ZCCHC7: variants seen among roughly 807,000 people sequenced by gnomAD.
ZCCHC7 encodes the protein zinc finger CCHC domain-containing protein 7.
A neutral mutation model predicts 52.0 loss-of-function variants in ZCCHC7; 35 were observed. That is an observed-to-expected ratio of 0.67 (90% CI 0.51 to 0.89). The LOEUF is 0.89. Ranked by LOEUF, ZCCHC7 falls within the 40% of genes least tolerant of loss-of-function variation. ZCCHC7 has a pLI of 0.00. For synonymous variants in ZCCHC7, 217 were observed against 221.5 expected, an observed-to-expected ratio of 0.98 and a Z score of 0.18; for missense variants, 574 against 649.1, an observed-to-expected ratio of 0.88 and a Z score of 1.26.
At chr9:37,259,821 C>T (rs551626463) in intron 2 of ZCCHC7, among the ~76,000 whole-genome samples, 1 of 152,248 alleles carries the variant, frequency 6.6e-6, no homozygotes, top group African/African-American at 2.4e-5. Context: ...TCTGTTTGTG[C>T]ATCCTACCTC....
chr9:37,356,768 C>A, intron 8 of ZCCHC7, 67 bp from the exon 9 acceptor site: 2 of 1,416,432 alleles, frequency 1.4e-6, no homozygotes, highest in Non-Finnish European at 1.9e-6. Context: ...AAGTTATTTA[C>A]ACTTAGGAAA....
intron 2 of ZCCHC7, among the ~76,000 whole-genome samples, chr9:37,143,633 G>A (rs1843321362): frequency 6.6e-6 from 1 of 151,542 alleles, no homozygotes; most frequent in South Asian, 2.1e-4. Context: ...TGCCATTACA[G>A]ATTTTCAAAA....
chr9:37,192,504 T>G (rs1823069443), intron 2 of ZCCHC7, among the ~76,000 whole-genome samples: 1 of 152,212 alleles, frequency 6.6e-6, no homozygotes, highest in South Asian at 2.1e-4. Context: ...GTAAACATGA[T>G]TGTAAGACAG....
chr9:37,127,803 C>G (rs1842606760), intron 2 of ZCCHC7, among the ~76,000 whole-genome samples: 1 of 152,158 alleles, frequency 6.6e-6, no homozygotes, highest in Non-Finnish European at 1.5e-5. Context: ...GTAGATTGTG[C>G]TTGGAGCCCC....
intron 5 of ZCCHC7, among the ~76,000 whole-genome samples, chr9:37,316,482 G>T (rs1829828699): frequency 6.7e-6 from 1 of 149,058 alleles, no homozygotes; most frequent in African/African-American, 2.5e-5. Flanking sequence ...GCACTACCCT[G>T]CCCAGCTGCT....
intron 6 of ZCCHC7, among the ~76,000 whole-genome samples, chr9:37,338,272 G>C (rs2118425478): frequency 6.6e-6 from 1 of 152,198 alleles, no homozygotes; most frequent in South Asian, 2.1e-4. Context: ...TTAGTTTTCA[G>C]ATATATTTTA....
intron 6 of ZCCHC7, among the ~76,000 whole-genome samples, chr9:37,338,695 A>G (rs1474131631): frequency 6.6e-6 from 1 of 152,042 alleles, no homozygotes; most frequent in Non-Finnish European, 1.5e-5. Context: ...TTTTTTTACT[A>G]TTTTTATTTT....
intron 2 of ZCCHC7, among the ~76,000 whole-genome samples, chr9:37,135,534 A>T (rs964469602): frequency 6.6e-6 from 1 of 152,194 alleles, no homozygotes; most frequent in African/African-American, 2.4e-5. Context: ...ATTTTGTGTC[A>T]ATGTAGAGCT....
At chr9:37,321,257 G>A (rs550030370) in intron 5 of ZCCHC7, among the ~76,000 whole-genome samples, 1 of 151,804 alleles carries the variant, frequency 6.6e-6, no homozygotes, top group Non-Finnish European at 1.5e-5. Flanking sequence ...CAAAGTGCTG[G>A]GATTACAGGC....
At chr9:37,193,041 C>A (rs1823098532) in intron 2 of ZCCHC7, among the ~76,000 whole-genome samples, 1 of 152,070 alleles carries the variant, frequency 6.6e-6, no homozygotes, top group African/African-American at 2.4e-5. Flanking sequence ...AACTTTGGGG[C>A]TATTTTAGGA....
intron 2 of ZCCHC7, among the ~76,000 whole-genome samples, chr9:37,252,398 A>G (rs1826373374): frequency 6.6e-6 from 1 of 152,228 alleles, no homozygotes. Flanking sequence ...CAGAACCAAA[A>G]TAGTGTAACA....
chr9:37,222,569 T>C (rs1423941157), intron 2 of ZCCHC7, among the ~76,000 whole-genome samples: 2 of 152,030 alleles, frequency 1.3e-5, no homozygotes, highest in African/African-American at 4.8e-5. Context: ...TAGAAGGAAA[T>C]GTGAGTGAAT....
intron 2 of ZCCHC7, among the ~76,000 whole-genome samples, chr9:37,216,309 T>C (rs1490212767): frequency 6.6e-6 from 1 of 152,222 alleles, no homozygotes; most frequent in Non-Finnish European, 1.5e-5. Flanking sequence ...ATAGAAATTT[T>C]ATTATATTAT....
At chr9:37,217,044 G>T (rs1824545386) in intron 2 of ZCCHC7, among the ~76,000 whole-genome samples, 1 of 151,826 alleles carries the variant, frequency 6.6e-6, no homozygotes, top group Non-Finnish European at 1.5e-5. Flanking sequence ...TTCCTACAAG[G>T]CTCCCTTTAT....
At chr9:37,209,082 C>T (rs1410501943) in intron 2 of ZCCHC7, among the ~76,000 whole-genome samples, 2 of 151,900 alleles carry the variant, frequency 1.3e-5, no homozygotes, top group Admixed American at 6.6e-5. Flanking sequence ...ACTCTGTTGC[C>T]CAGGCTGGAG....
intron 2 of ZCCHC7, among the ~76,000 whole-genome samples, chr9:37,245,949 G>A (rs182880974): frequency 6.2e-4 from 94 of 152,136 alleles, no homozygotes; most frequent in Non-Finnish European, 9.1e-4. Flanking sequence ...TTGGTAAAGT[G>A]AGACCAGATT....
intron 3 of ZCCHC7, 90 bp from the exon 4 acceptor site, chr9:37,304,098 T>A: frequency 7.9e-7 from 1 of 1,266,230 alleles, no homozygotes; most frequent in Middle Eastern, 2.0e-4. Flanking sequence ...GTATCTTTAT[T>A]TGCTTATAGT....
intron 2 of ZCCHC7, among the ~76,000 whole-genome samples, chr9:37,254,572 C>T (rs925606103): frequency 6.6e-6 from 1 of 151,798 alleles, no homozygotes; most frequent in Admixed American, 6.6e-5. Flanking sequence ...GGGTTTAAGC[C>T]CGCTAATATG....
intron 6 of ZCCHC7, among the ~76,000 whole-genome samples, chr9:37,348,595 G>T (rs2032904528): frequency 6.6e-6 from 1 of 152,050 alleles, no homozygotes; most frequent in African/African-American, 2.4e-5. Flanking sequence ...GGCCAGGCTG[G>T]TCTTGAACTC....
Sources: allele counts gnomAD v4.1 joint callset (sites outside exome capture counted in the v4.1 genomes callset), GRCh38; gene constraint gnomAD v4.1.1; transcripts MANE v1.5; gene names NCBI Gene and HGNC (gene_info 2026-07-23, HGNC 2026-07-21).